ROBO1: variants seen among roughly 807,000 people sequenced by gnomAD.
The protein encoded by ROBO1 is roundabout homolog 1.
In ROBO1, 149 loss-of-function variants were observed where a neutral mutation model predicts 195.9. The ratio of observed to expected loss-of-function variants is 0.76; its 90% CI spans 0.67 to 0.87. ROBO1 has a LOEUF of 0.87. ROBO1 is among the 40% of genes least tolerant of loss of function. The probability of loss-of-function intolerance (pLI) is 0.00; values close to 1 mark genes in which losing one functional copy is unlikely to be tolerated. For missense variants in ROBO1, 1,933 were observed against 2,068.3 expected (o/e 0.93, Z 1.27); for synonymous variants, 816 against 733.2 (o/e 1.11, Z -1.82).
At chr3:79,001,881 CTT>C (rs1251965403) in intron 3 of ROBO1, among the ~76,000 whole-genome samples, 8 of 152,012 alleles carry the variant, frequency 5.3e-5, no homozygotes, top group East Asian at 1.9e-4. Flanking sequence ...ATAACATAAA[CTT>C]ATTTAATTTT....
chr3:79,667,050 C>T (rs12330672), intron 1 of ROBO1, among the ~76,000 whole-genome samples: 42,810 of 151,636 alleles, frequency 0.28, 6,885 homozygotes, highest in African/African-American at 0.45. Flanking sequence ...AACCAAATAA[C>T]TCATATTTAT....
rs771362168 is a variant in ROBO1, at chr3:78,661,211, T to A, written c.2139A>T (p.Pro713=). 27 of 1,613,204 alleles carry A rather than the reference T, an allele frequency of 1.7e-5. No homozygotes were observed. In the South Asian group the frequency reaches 2.9e-4, roughly 17 times the overall value. Residue 713 remains proline (P), a synonymous_variant, in exon 16 of 31, where the codon CCA becomes CCT. Coordinates refer to ENST00000464233, the MANE Select transcript of ROBO1 (RefSeq NM_002941.4). ...CTGATTCTCCGTGGTTGGCTCCAGA[T>A]GGCCGATAGAGAATTTTATATCCTT... ...YIQGYKILYR[P]SGANHGESDW...
intron 2 of ROBO1, among the ~76,000 whole-genome samples, chr3:79,374,222 C>A (rs1437927882): frequency 6.6e-6 from 1 of 152,118 alleles, no homozygotes; most frequent in Admixed American, 6.5e-5. Flanking sequence ...ATTCCTATAA[C>A]AGTTTCAAAT....
intron 1 of ROBO1, among the ~76,000 whole-genome samples, chr3:79,641,134 A>C (rs1318874697): frequency 3.9e-5 from 6 of 152,166 alleles, no homozygotes; most frequent in Non-Finnish European, 4.4e-5. Context: ...TACTCATGGA[A>C]TGGTGAGAAA....
At chr3:79,000,107 G>A (rs1169069038) in intron 3 of ROBO1, among the ~76,000 whole-genome samples, 3 of 152,124 alleles carry the variant, frequency 2.0e-5, no homozygotes, top group Non-Finnish European at 4.4e-5. Flanking sequence ...AAGGAAAGAG[G>A]TTTAATGGAT....
chr3:78,918,242 G>T (rs140528813), intron 4 of ROBO1, among the ~76,000 whole-genome samples: 113 of 152,220 alleles, frequency 7.4e-4, no homozygotes, highest in African/African-American at 2.6e-3. Flanking sequence ...GTTAAATTGT[G>T]TTGATGACAT....
chr3:78,769,351 A>G (rs1343659569), intron 4 of ROBO1, among the ~76,000 whole-genome samples: 1 of 152,086 alleles, frequency 6.6e-6, no homozygotes, highest in Admixed American at 6.5e-5. Flanking sequence ...GTTGCTTTAA[A>G]GTTTGTTTTG....
At chr3:79,327,922 C>A (rs2034280120) in intron 2 of ROBO1, among the ~76,000 whole-genome samples, 1 of 152,096 alleles carries the variant, frequency 6.6e-6, no homozygotes, top group African/African-American at 2.4e-5. Context: ...ATTTCATTTG[C>A]TTTGGTATAC....
intron 1 of ROBO1, among the ~76,000 whole-genome samples, chr3:79,716,641 G>C (rs1281251856): frequency 6.6e-6 from 1 of 151,938 alleles, no homozygotes; most frequent in Non-Finnish European, 1.5e-5. Flanking sequence ...AAAATGTGAA[G>C]ATGTAGCAAA....
chr3:79,611,112 GA>G (rs1348665657), intron 1 of ROBO1, among the ~76,000 whole-genome samples: 13 of 152,064 alleles, frequency 8.5e-5, no homozygotes, highest in Non-Finnish European at 1.2e-4. Context: ...AGAGGTAATG[GA>G]TGTAGAGGGG....
intron 3 of ROBO1, among the ~76,000 whole-genome samples, chr3:79,099,251 C>G (rs1429307171): frequency 1.3e-5 from 2 of 151,658 alleles, no homozygotes; most frequent in Non-Finnish European, 2.9e-5. Context: ...ATAATTAAAG[C>G]ACTCAGCACC....
chr3:79,559,883 C>A (rs1011861225), intron 2 of ROBO1, among the ~76,000 whole-genome samples: 2 of 152,076 alleles, frequency 1.3e-5, no homozygotes, highest in African/African-American at 4.8e-5. Context: ...TACCATTGCA[C>A]TCCAGCCTGG....
chr3:79,299,762 A>G (rs1273688731), intron 2 of ROBO1, among the ~76,000 whole-genome samples: 1 of 152,042 alleles, frequency 6.6e-6, no homozygotes, highest in African/African-American at 2.4e-5. Context: ...AGAGTTTAGA[A>G]TTGAAAATAA....
chr3:79,049,589 G>A (rs60518892), intron 3 of ROBO1, among the ~76,000 whole-genome samples: 2,110 of 152,066 alleles, frequency 0.014, 53 homozygotes, highest in African/African-American at 0.046. Context: ...CCCAAGACAC[G>A]TAATTGTCAG....
At chr3:79,655,939 A>G (rs1946145674) in intron 1 of ROBO1, among the ~76,000 whole-genome samples, 1 of 152,062 alleles carries the variant, frequency 6.6e-6, no homozygotes, top group African/African-American at 2.4e-5. Flanking sequence ...GAGGGGAAAG[A>G]TCTCAACTGA....
chr3:79,749,802 C>G (rs982135014), intron 1 of ROBO1, among the ~76,000 whole-genome samples: 1 of 152,184 alleles, frequency 6.6e-6, no homozygotes, highest in African/African-American at 2.4e-5. Flanking sequence ...CCTGGATACC[C>G]AGGCAGAAGT....
chr3:79,125,200 A>G (rs749231368), intron 3 of ROBO1, among the ~76,000 whole-genome samples: 6 of 152,222 alleles, frequency 3.9e-5, no homozygotes, highest in Admixed American at 6.5e-5. Context: ...AAAGTTTCAG[A>G]TTGATAAGCA....
At chr3:79,555,140 T>C (rs1942653286) in intron 2 of ROBO1, among the ~76,000 whole-genome samples, 1 of 152,118 alleles carries the variant, frequency 6.6e-6, no homozygotes. Flanking sequence ...GGTAATTTGC[T>C]ACTAATTATA....
intron 4 of ROBO1, among the ~76,000 whole-genome samples, chr3:78,909,288 A>G (rs2038107164): frequency 6.6e-6 from 1 of 151,904 alleles, no homozygotes; most frequent in Non-Finnish European, 1.5e-5. Context: ...TTACAAAATA[A>G]AAACAAAAAT....
Sources: gnomAD v4.1 joint callset for allele counts (sites outside exome capture counted in the v4.1 genomes callset) on GRCh38, gnomAD v4.1.1 for gene constraint, MANE v1.5 for transcripts, NCBI Gene and HGNC (gene_info 2026-07-23, HGNC 2026-07-21) for gene names.